Variants in ITGB3 observed in about 807,000 individuals in gnomAD.
The protein encoded by ITGB3 is integrin beta-3.
ITGB3 carries 48 observed loss-of-function variants against 85.8 expected under a neutral mutation model. The ratio of observed to expected loss-of-function variants is 0.56; its 90% confidence interval spans 0.44 to 0.71. The LOEUF (loss-of-function observed/expected upper bound fraction) is 0.71, where lower values mean the gene tolerates loss of function less well. Among genes scored for constraint, ITGB3 ranks in the 30% least tolerant of loss-of-function variants. The pLI is 0.00. For missense variants in ITGB3, 861 were observed against 1,019.1 expected, an observed-to-expected ratio of 0.84 and a Z score of 2.11; for synonymous variants, 363 against 395.6, an observed-to-expected ratio of 0.92 and a Z score of 0.98.
In ITGB3 at chr17:47,299,982, G is replaced by T. The variant is rs2065160093; in HGVS notation, c.1913+452G>T. 6.6e-6 allele frequency among the ~76,000 whole-genome samples: 1 copy of T among 152,120 alleles called. No individual in the cohort carries two copies. Among genetic ancestry groups the T allele is most frequent in the African/African-American group, 2.4e-5 (1 of 41,452 alleles). ...CATTCTGCTTACCACTTTAAGCAGGGCCAGATTTACGAGTGTGCAACCTAT... is the reference window on the plus strand; with the variant it reads ...CATTCTGCTTACCACTTTAAGCAGGTCCAGATTTACGAGTGTGCAACCTAT... On this transcript the variant is annotated intron_variant, in intron 11 of 14. Transcript: ENST00000559488. The surrounding 1 kb of genome is among the most constrained non-coding windows in gnomAD (Gnocchi z 5.1).
chr17:47,265,383 G>C (rs938479546), intron 1 of ITGB3, among the ~76,000 whole-genome samples: 5 of 152,138 alleles, frequency 3.3e-5, no homozygotes, highest in Non-Finnish European at 7.3e-5. Flanking sequence ...TGAAATTAAG[G>C]TGTCAGCAGG....
chr17:47,310,684 T>C lies in ITGB3; in HGVS notation c.*480T>C, dbSNP rs553453000. The stretch of plus-strand genomic sequence containing the variant: ...AATTTATGGTTCTCAGGCCTGACTC[T>C]CAGCAGCTATGGTAGGAACTGCTGG... On this transcript the variant is annotated 3_prime_UTR_variant, in exon 15 of 15. Coordinates refer to ENST00000559488, the MANE Select transcript of ITGB3 (RefSeq NM_000212.3). The C allele has an allele frequency of 2.8e-4, 63 of 221,406 alleles. No individual in the cohort carries two copies. Among genetic ancestry groups the C allele is most frequent in the African/African-American group, 6.7e-4 (30 of 45,020 alleles). 13.7% of individuals were successfully genotyped at this position (221,406 alleles called of 1,614,324 possible). A position where few individuals can be genotyped will look rare whatever the true frequency, so the allele number is the denominator to read the frequency against.
At chr17:47,261,634 C>T (rs528138267) in intron 1 of ITGB3, among the ~76,000 whole-genome samples, 4 of 152,032 alleles carry the variant, frequency 2.6e-5, no homozygotes, top group African/African-American at 9.7e-5. Context: ...ATTCTCCTGC[C>T]TCAGATTCCC....
rs60609897 is a variant in ITGB3 at position 47,272,680 on chromosome 17, T to TC, written c.80-1739_80-1738insC. ...TTTATGTAATCTTTCTTTCTTTCTT[T>TC]TTTTTTCTTTCTTTCTTTCCTTCTT... is the stretch of plus-strand genomic sequence containing the variant. On this transcript the variant is annotated intron_variant, in intron 1 of 14. Coordinates refer to ENST00000559488, the MANE Select transcript of ITGB3 (RefSeq NM_000212.3). 4.6e-3 allele frequency among the ~76,000 whole-genome samples: 657 copies of TC among 143,606 alleles called. 8 individuals carry two copies. Among genetic ancestry groups the TC allele is most frequent in the African/African-American group, 0.015 (571 of 37,148 alleles). The allele number at this position is 143,606 out of a possible 152,430, so 94.2% of individuals were successfully genotyped here. A position where few individuals can be genotyped will look rare whatever the true frequency, so the allele number is the denominator to read the frequency against.
In ITGB3 at chr17:47,274,607, C is replaced by T. The variant is rs2065056544; in HGVS notation, c.165+103C>T. ...ACCTCCCTCTTGAATACACATGCCC[C>T]TTATCCCTTCTAAGCAAAACTTTGA... On this transcript the variant is annotated intron_variant, in intron 2 of 14. Coordinates refer to ENST00000559488, the MANE Select transcript of ITGB3 (RefSeq NM_000212.3). The T allele has an allele frequency of 1.2e-5, 11 of 947,362 alleles. No individual in the cohort carries two copies. The South Asian group carries it at 1.3e-4, about 11-fold the overall frequency. The allele number at this position is 947,362 out of a possible 1,614,324, so 58.7% of individuals were successfully genotyped here. A position where few individuals can be genotyped will look rare whatever the true frequency, so the allele number is the denominator to read the frequency against.
At chr17:47,268,788 G>T (rs2143052829) in intron 1 of ITGB3, among the ~76,000 whole-genome samples, 1 of 152,310 alleles carries the variant, frequency 6.6e-6, no homozygotes, top group East Asian at 1.9e-4. Flanking sequence ...GTGGCCCTCT[G>T]CTCACAGCTC....
rs890040722 is a variant in ITGB3, at chr17:47,290,937, T to C, written c.1126-17T>C. On this transcript the variant is annotated splice_polypyrimidine_tract_variant and intron_variant, in intron 8 of 14. Coordinates refer to ENST00000559488, the MANE Select transcript of ITGB3 (RefSeq NM_000212.3). ...TTCAGTTCAATTTCTTGTCTTCTTG[T>C]GCCCCTTTCTGCTCAGAAAATCCGT... is the stretch of plus-strand genomic sequence containing the variant. 6.2e-7 allele frequency: 1 copy of C among 1,614,034 alleles called. No individual in the cohort carries two copies. Among genetic ancestry groups the C allele is most frequent in the Admixed American group, 1.7e-5 (1 of 60,028 alleles).
At chr17:47,270,762 G>A (rs772342087) in intron 1 of ITGB3, among the ~76,000 whole-genome samples, 3 of 152,206 alleles carry the variant, frequency 2.0e-5, no homozygotes, top group Non-Finnish European at 4.4e-5. Flanking sequence ...TTAAAGTTGG[G>A]CAAGGCCTTT....
Position 47,287,191 on chromosome 17 carries a change from A to G in ITGB3, c.899A>G (p.His300Arg). 6.2e-7 allele frequency: 1 copy of G among 1,613,988 alleles called. No homozygotes were observed. The highest frequency in any genetic ancestry group is 1.3e-5 in the African/African-American group (1 of 75,032). The change falls in exon 6 of 15, where the codon CAT (histidine) becomes CGT (arginine). Residue 300 changes from histidine (H) to arginine (R), a missense_variant. Coordinates refer to ENST00000559488, the MANE Select transcript of ITGB3 (RefSeq NM_000212.3). The part of the protein sequence containing the change: ...GIVQPNDGQC[H>R]VGSDNHYSAS... ...GTCCAGCCTAATGACGGGCAGTGTC[A>G]TGTTGGTAGTGACAATCATTACTCT...
chr17:47,258,777 T>G (rs893166184), intron 1 of ITGB3, among the ~76,000 whole-genome samples: 1 of 152,170 alleles, frequency 6.6e-6, no homozygotes, highest in Non-Finnish European at 1.5e-5. Flanking sequence ...TACCCTACCC[T>G]CAACCCTCGT....
chr17:47,290,285 T>G lies in ITGB3; in HGVS notation c.1125+11T>G, dbSNP rs200541315. On this transcript the variant is annotated intron_variant, in intron 8 of 14. Transcript: ENST00000559488. Reference sequence around the variant, plus strand: ...GTTGATGCTTATGGGGTAAGTGTCTTGTGCTGGGAATAGTCCCGCGGAGAG... The same window carrying G: ...GTTGATGCTTATGGGGTAAGTGTCTGGTGCTGGGAATAGTCCCGCGGAGAG... 6.2e-7 allele frequency: 1 copy of G among 1,610,538 alleles called. No individual in the cohort carries two copies. Among genetic ancestry groups the G allele is most frequent in the East Asian group, 2.2e-5 (1 of 44,860 alleles).
intron 10 of ITGB3, among the ~76,000 whole-genome samples, chr17:47,294,510 AC>A (rs1172916091): frequency 2.0e-5 from 3 of 152,216 alleles, no homozygotes; most frequent in Non-Finnish European, 4.4e-5. Flanking sequence ...CCTGCCTCTC[AC>A]CAGTGCAAGA....
chr17:47,263,221 G>A (rs1368319168), intron 1 of ITGB3, among the ~76,000 whole-genome samples: 1 of 152,168 alleles, frequency 6.6e-6, no homozygotes, highest in Non-Finnish European at 1.5e-5. Context: ...GGAGCTGGGT[G>A]TTAATTTTAG....
chr17:47,286,965 T>C, intron 5 of ITGB3, 105 bp from the exon 6 acceptor site: 1 of 1,165,730 alleles, frequency 8.6e-7, no homozygotes, highest in Non-Finnish European at 1.3e-6. Flanking sequence ...AAATAAGCTG[T>C]CCAGCCCTTT....
chr17:47,295,812 C>A (rs1174854353), intron 10 of ITGB3, among the ~76,000 whole-genome samples: 3 of 152,198 alleles, frequency 2.0e-5, no homozygotes, highest in Admixed American at 6.5e-5. Flanking sequence ...GCGCACTCCT[C>A]CCCCAGCTGC....
In ITGB3 at chr17:47,283,451, G is replaced by T; in HGVS notation, c.263G>T (p.Arg88Leu). The T allele has an allele frequency of 6.2e-7, 1 of 1,614,196 alleles. No individual in the cohort carries two copies. Among genetic ancestry groups the T allele is most frequent in the Non-Finnish European group, 8.5e-7 (1 of 1,180,034 alleles). Residue 88 changes from arginine (R) to leucine (L), a missense_variant, in exon 3 of 15, where the codon CGA becomes CTA. Arg to Leu is a moderately radical substitution (Grantham distance 102). Coordinates refer to ENST00000559488, the MANE Select transcript of ITGB3 (RefSeq NM_000212.3). The stretch of plus-strand genomic sequence containing the variant: ...ATCGAGTTCCCAGTGAGTGAGGCCC[G>T]AGTACTAGAGGACAGGCCCCTCAGC... ...ESIEFPVSEA[R>L]VLEDRPLSDK...
chr17:47,290,301 C>G (rs1384704014), intron 8 of ITGB3, 27 bp downstream of exon 8: 1 of 1,582,628 alleles, frequency 6.3e-7, no homozygotes, highest in East Asian at 2.2e-5. Flanking sequence ...GGGAATAGTC[C>G]CGCGGAGAGT....
intron 1 of ITGB3, among the ~76,000 whole-genome samples, chr17:47,267,558 T>TG (rs1404847561): frequency 2.6e-5 from 4 of 152,034 alleles, no homozygotes; most frequent in African/African-American, 4.8e-5. Flanking sequence ...GGGGGTATCA[T>TG]GGGGGGTTCA....
intron 11 of ITGB3, 111 bp from the exon 12 acceptor site, chr17:47,300,367 G>GTT: frequency 1.3e-6 from 1 of 772,824 alleles, no homozygotes; most frequent in Non-Finnish European, 2.3e-6. Context: ...GTGTGTGTGT[G>GTT]TTTTAATGGA....
Sources: gnomAD v4.1 joint callset for allele counts (sites outside exome capture counted in the v4.1 genomes callset) on GRCh38, gnomAD v4.1.1 for gene constraint, Gnocchi (gnomAD v3.1) non-coding constraint, MANE v1.5 for transcripts, NCBI Gene and HGNC (gene_info 2026-07-23, HGNC 2026-07-21) for gene names.